CTNND2: variants seen among roughly 807,000 people sequenced by gnomAD.
The protein encoded by CTNND2 is catenin delta 2.
In CTNND2, 22 loss-of-function variants were observed where a neutral mutation model predicts 144.4. The ratio of observed to expected loss-of-function variants is 0.15; its 90% CI spans 0.11 to 0.22. The LOEUF is 0.22. Ranked by LOEUF, CTNND2 falls within the 10% of genes least tolerant of loss-of-function variation. CTNND2 has a pLI of 1.00. For missense variants in CTNND2, 1,353 were observed against 1,618.8 expected (o/e 0.84, Z 2.82); for synonymous variants, 751 against 695.6 (o/e 1.08, Z -1.25).
At chr5:11,879,354 T>TATATACAC (rs1169270632) in intron 1 of CTNND2, among the ~76,000 whole-genome samples, 1,435 of 139,776 alleles carry the variant, frequency 0.01, 71 homozygotes, top group African/African-American at 0.034. Context: ...TATATATATA[T>TATATACAC]ATACATATAC....
In CTNND2 at chr5:11,129,089, ATT is replaced by A. The variant is rs1462246176; in HGVS notation, c.2160-11524_2160-11523del. 4.8e-4 allele frequency among the ~76,000 whole-genome samples: 19 copies of A among 39,650 alleles called. 1 individual carries two copies. The highest frequency in any genetic ancestry group is 1.4e-3 in the African/African-American group (19 of 13,106). 26.0% of individuals were successfully genotyped at this position (39,650 alleles called of 152,430 possible). ...TTTTATATATAAATAAAATATATATATTATATATAAATAAAATATATATATTA... is the reference window on the plus strand; with the variant it reads ...TTTTATATATAAATAAAATATATATAATATATAAATAAAATATATATATTA... On this transcript the variant is annotated intron_variant, in intron 12 of 21. Coordinates refer to ENST00000304623, the MANE Select transcript of CTNND2 (RefSeq NM_001332.4).
chr5:11,635,296 A>C (rs1171398294), intron 2 of CTNND2, among the ~76,000 whole-genome samples: 1 of 152,168 alleles, frequency 6.6e-6, no homozygotes. Flanking sequence ...GGCATCACCC[A>C]TAAGAGAGGG....
chr5:11,708,699 T>C (rs1298955182), intron 2 of CTNND2, among the ~76,000 whole-genome samples: 1 of 152,122 alleles, frequency 6.6e-6, no homozygotes, highest in Admixed American at 6.6e-5. Flanking sequence ...GAGTGTTGTT[T>C]GTCAACTCAG....
chr5:11,794,719 A>G (rs1351185827), intron 1 of CTNND2, among the ~76,000 whole-genome samples: 1 of 152,218 alleles, frequency 6.6e-6, no homozygotes, highest in African/African-American at 2.4e-5. Flanking sequence ...TAGAATTTAT[A>G]CCATCTTTTC....
intron 16 of CTNND2, among the ~76,000 whole-genome samples, chr5:11,070,661 A>T (rs1414791619): frequency 1.3e-5 from 2 of 151,528 alleles, no homozygotes. Flanking sequence ...AATGGAAGCC[A>T]TAAGACAACA....
intron 3 of CTNND2, among the ~76,000 whole-genome samples, chr5:11,526,444 C>G (rs1367993373): frequency 6.6e-6 from 1 of 152,110 alleles, no homozygotes; most frequent in Non-Finnish European, 1.5e-5. Context: ...AAGTGTGCAC[C>G]TGCTGTGTAT....
At chr5:11,198,914 C>T (rs1737140080) in intron 11 of CTNND2, among the ~76,000 whole-genome samples, 5 of 152,182 alleles carry the variant, frequency 3.3e-5, no homozygotes, top group Admixed American at 3.3e-4. Context: ...TAATTATCTC[C>T]ATTTTACTAA....
intron 1 of CTNND2, among the ~76,000 whole-genome samples, chr5:11,902,203 T>C (rs1214543561): frequency 6.6e-6 from 1 of 152,234 alleles, no homozygotes; most frequent in Non-Finnish European, 1.5e-5. Flanking sequence ...TCAGTAATGA[T>C]GCCACTTAAC....
intron 2 of CTNND2, among the ~76,000 whole-genome samples, chr5:11,643,411 G>A (rs566382447): frequency 8.1e-6 from 1 of 124,160 alleles, no homozygotes; most frequent in East Asian, 2.5e-4. Flanking sequence ...ACAGTTCCCG[G>A]TGTGTGGTGT....
chr5:11,518,365 GA>G (rs1320139613), intron 3 of CTNND2, among the ~76,000 whole-genome samples: 24 of 152,280 alleles, frequency 1.6e-4, no homozygotes, highest in African/African-American at 5.5e-4. Flanking sequence ...TATTAGAAAA[GA>G]GTCAAAAAGT....
intron 5 of CTNND2, among the ~76,000 whole-genome samples, chr5:11,398,117 T>G (rs1760306117): frequency 6.6e-6 from 1 of 152,104 alleles, no homozygotes; most frequent in African/African-American, 2.4e-5. Flanking sequence ...GGCAAAAACT[T>G]GGCAATACAA....
chr5:11,140,813 A>G (rs1044519039), intron 12 of CTNND2, among the ~76,000 whole-genome samples: 1 of 152,244 alleles, frequency 6.6e-6, no homozygotes, highest in Non-Finnish European at 1.5e-5. Flanking sequence ...GTTATATTCT[A>G]GATTTATTAA....
intron 2 of CTNND2, among the ~76,000 whole-genome samples, chr5:11,590,108 C>T (rs934779863): frequency 4.7e-5 from 7 of 150,374 alleles, no homozygotes; most frequent in South Asian, 2.1e-4. Flanking sequence ...TGCAGTGACG[C>T]GATCTAAGTG....
chr5:11,748,051 T>C (rs2126779343), intron 1 of CTNND2, among the ~76,000 whole-genome samples: 1 of 152,260 alleles, frequency 6.6e-6, no homozygotes, highest in South Asian at 2.1e-4. Flanking sequence ...TCAGCCCATA[T>C]GTTTAACCTA....
chr5:11,733,675 C>T (rs1787521223), intron 1 of CTNND2, among the ~76,000 whole-genome samples: 1 of 152,142 alleles, frequency 6.6e-6, no homozygotes, highest in Non-Finnish European at 1.5e-5. Flanking sequence ...CAAATATTTA[C>T]CAAGTTCCTA....
chr5:11,866,604 C>A (rs4524507), intron 1 of CTNND2, among the ~76,000 whole-genome samples: 98,541 of 152,082 alleles, frequency 0.65, 32,693 homozygotes, highest in East Asian at 0.81. Flanking sequence ...AGATTTTGTA[C>A]CTAAAGTGTG....
chr5:11,485,282 T>G (rs78616278), intron 3 of CTNND2, among the ~76,000 whole-genome samples: 1,640 of 152,284 alleles, frequency 0.011, 15 homozygotes, highest in Middle Eastern at 0.031. Context: ...AAATCATGTT[T>G]CTAGATGGGA....
rs190665611 is a variant in CTNND2, at chr5:11,246,426, A to C, written c.1629-9603T>G. ...CAAAGGAAGACACAGACACAGAGAG[A>C]GGCAATGTGAAGAGGAAGGCAGGGG... On this transcript the variant is annotated intron_variant, in intron 9 of 21. Transcript: ENST00000304623. Among the ~76,000 whole-genome samples, 64 of 152,184 alleles carry C rather than the reference A, an allele frequency of 4.2e-4. No individual in the cohort carries two copies. In the East Asian group the frequency reaches 0.012, roughly 29 times the overall value.
chr5:11,346,378 T>C lies in CTNND2; in HGVS notation c.1622A>G (p.Asp541Gly). 1.4e-6 allele frequency: 2 copies of C among 1,444,996 alleles called. No homozygotes were observed. The highest frequency in any genetic ancestry group is 1.8e-6 in the Non-Finnish European group (2 of 1,093,212). 89.5% of individuals were successfully genotyped at this position (1,444,996 alleles called of 1,614,324 possible). A position where few individuals can be genotyped will look rare whatever the true frequency, so the allele number is the denominator to read the frequency against. Reference protein sequence around the residue: ...RSPSIDSIQKDPREFGWRDPE... With the variant: ...RSPSIDSIQKGPREFGWRDPE... ...GAAAAAGGTTTTTACCCACCTGGGATCTTTCTGAATGCTATCAATGGACGG... is the reference window on the plus strand; with the variant it reads ...GAAAAAGGTTTTTACCCACCTGGGACCTTTCTGAATGCTATCAATGGACGG... The change falls in exon 9 of 22, where the codon GAT becomes GGT. Residue 541 changes from aspartate (D) to glycine (G), a missense_variant. By Grantham distance (94) the Asp-to-Gly change is moderately conservative (BLOSUM62 -1). This residue lies in a region of CTNND2 where 69 missense variants were observed against 120.3 expected (regional missense o/e 0.57). Coordinates refer to ENST00000304623, the MANE Select transcript of CTNND2 (RefSeq NM_001332.4).
Sources: allele counts gnomAD v4.1 joint callset (sites outside exome capture counted in the v4.1 genomes callset), GRCh38; gene constraint gnomAD v4.1.1; regional missense constraint gnomAD v4.1.1; transcripts MANE v1.5; gene names NCBI Gene and HGNC (gene_info 2026-07-23, HGNC 2026-07-21).